The following KLC3 variants were observed in gnomAD, a reference collection of about 807,000 sequenced individuals.
KLC3 encodes kinesin light chain 2.
A neutral mutation model predicts 62.9 loss-of-function variants in KLC3; 72 were observed. The observed-to-expected ratio is 1.15, with a 90% CI of 0.95 to 1.39. KLC3 has a LOEUF of 1.39. Among genes scored for constraint, KLC3 ranks in the 40% most tolerant of loss-of-function variants. The pLI is 0.00. For synonymous variants in KLC3, 377 were observed against 300.5 expected, an observed-to-expected ratio of 1.25 and a Z score of -2.63; for missense variants, 848 against 691.6, an observed-to-expected ratio of 1.23 and a Z score of -2.54.
intron 1 of KLC3, among the ~76,000 whole-genome samples, chr19:45,344,154 AGTGTGTGTGTGT>A (rs34947979): frequency 7.0e-6 from 1 of 142,028 alleles, no homozygotes; most frequent in Non-Finnish European, 1.5e-5. Flanking sequence ...CTAATGAGGG[AGTGTGTGTGTGT>A]GTGTGTGTGT....
At chr19:45,347,839 G>A (rs1971540932) in intron 4 of KLC3, 102 bp from the exon 5 acceptor site, 1 of 965,488 alleles carries the variant, frequency 1.0e-6, no homozygotes, top group Non-Finnish European at 1.6e-6. Context: ...AGTCCCAGGG[G>A]CCAGTTAGGC....
chr19:45,347,040 C>T, intron 3 of KLC3: 1 of 484,994 alleles, frequency 2.1e-6, no homozygotes, highest in South Asian at 3.0e-5. Context: ...GTGACCACCA[C>T]CTCCCTCAAA....
chr19:45,341,576 TGTGCGC>T (rs1274410017), intron 1 of KLC3, among the ~76,000 whole-genome samples: 3 of 129,912 alleles, frequency 2.3e-5, no homozygotes, highest in African/African-American at 7.8e-5. Flanking sequence ...TGTGTGTGTG[TGTGCGC>T]GCGCGCGTGT....
chr19:45,344,418 C>T (rs1971449044), intron 1 of KLC3, among the ~76,000 whole-genome samples: 1 of 147,994 alleles, frequency 6.8e-6, no homozygotes, highest in African/African-American at 2.5e-5. Flanking sequence ...AGGGTTTCAC[C>T]CTGTTGGCCA....
rs373353596 is a variant in KLC3 at position 45,350,650 on chromosome 19, C to T, written c.1282C>T (p.Arg428Cys). 25 of 1,613,282 alleles carry T rather than the reference C, an allele frequency of 1.5e-5. No individual in the cohort carries two copies. The highest frequency in any genetic ancestry group is 1.6e-4 in the Middle Eastern group (1 of 6,068). Reference sequence around the variant, plus strand: ...CCCGGCCCCTCCCCAGGCCCTTCGCCGCAGCAGCTCACTCTCCAAGATCCG... The same window carrying T: ...CCCGGCCCCTCCCCAGGCCCTTCGCTGCAGCAGCTCACTCTCCAAGATCCG... ...TAGDAEQALRRSSSLSKIRES... is the reference protein window; with the variant it reads ...TAGDAEQALRCSSSLSKIRES... Residue 428 changes from arginine (R) to cysteine (C), a missense_variant, in exon 11 of 13, where the codon CGC becomes TGC. Arg to Cys is a radical substitution (Grantham distance 180, BLOSUM62 -3). Transcript: ENST00000391946.
chr19:45,346,296 CAG>C (rs1971488980), intron 2 of KLC3, among the ~76,000 whole-genome samples: 1 of 152,108 alleles, frequency 6.6e-6, no homozygotes. Flanking sequence ...TTGTGTGTGA[CAG>C]GGACCCCTGA....
At position 45,350,976 on chromosome 19, in the gene KLC3, A is replaced by G. The variant is rs1356642677; in HGVS notation, c.1402A>G (p.Asn468Asp). 6.2e-7 allele frequency: 1 copy of G among 1,614,094 alleles called. No homozygotes were observed. The highest frequency in any genetic ancestry group is 8.5e-7 in the Non-Finnish European group (1 of 1,180,018). The change falls in exon 12 of 13, where the codon AAC becomes GAC. Residue 468 changes from asparagine (N) to aspartate (D), a missense_variant. Asn to Asp is a conservative substitution (Grantham distance 23). Transcript: ENST00000391946. The part of the protein sequence containing the change: ...AAGMKRAMSL[N>D]TLNVDAPRAP... ...CAGAATGAAGAGAGCCATGTCACTC[A>G]ACACACTGAACGTGGATGCTCCAAG... is the stretch of plus-strand genomic sequence containing the variant.
At chr19:45,350,463 C>G (rs180919816) in intron 9 of KLC3, 32 bp downstream of exon 9, 5 of 1,613,320 alleles carry the variant, frequency 3.1e-6, no homozygotes, top group African/African-American at 1.3e-5. Flanking sequence ...GTCTTCCCTC[C>G]TGGTGGCTTC....
chr19:45,348,839 A>C lies in KLC3; in HGVS notation c.887A>C (p.Asn296Thr). The change falls in exon 7 of 13, where the codon AAC becomes ACC. Residue 296 changes from asparagine (N) to threonine (T), a missense_variant. By Grantham distance (65) the Asn-to-Thr change is moderately conservative. Transcript: ENST00000391946. ...CCGCAGGTGGCCGCCACGCTCAACA[A>C]CTTGGCTGTCCTCTATGGGAAGCGT... ...EHPAVAATLNNLAVLYGKRGR... is the reference protein window; with the variant it reads ...EHPAVAATLNTLAVLYGKRGR... 1 of 1,573,972 alleles carries C rather than the reference A, an allele frequency of 6.4e-7. No homozygotes were observed. The highest frequency in any genetic ancestry group is 8.6e-7 in the Non-Finnish European group (1 of 1,159,708).
At position 45,346,718 on chromosome 19, in the gene KLC3, C is replaced by CG. The variant is rs1316009257; in HGVS notation, c.434dup (p.His146ProfsTer21). ...CGTGGCCCAGCTGGAGGAGGAGAAG[C>CG]GCCACCTGGAGTTCCTGGGGCAGCT... On this transcript the variant is annotated frameshift_variant, in exon 3 of 13. Transcript: ENST00000391946. LOFTEE classifies it high-confidence loss of function. 84 of 1,583,866 alleles carry CG rather than the reference C, an allele frequency of 5.3e-5. No homozygotes were observed. Among genetic ancestry groups the CG allele is most frequent in the Admixed American group, 7.2e-5 (4 of 55,378 alleles).
intron 7 of KLC3, 63 bp downstream of exon 7, chr19:45,348,984 C>G: frequency 7.1e-7 from 1 of 1,399,786 alleles, no homozygotes; most frequent in Non-Finnish European, 9.9e-7. Context: ...CCCAGGGATG[C>G]TGAGCACGTA....
Position 45,349,485 on chromosome 19 carries a change from G to C in KLC3, c.1026G>C (p.Leu342=). 6.2e-6 allele frequency: 10 copies of C among 1,613,950 alleles called. No homozygotes were observed. The highest frequency in any genetic ancestry group is 8.5e-6 in the Non-Finnish European group (10 of 1,179,914). Residue 342 remains leucine, a synonymous_variant, in exon 8 of 13, where the codon CTG becomes CTC. Coordinates refer to ENST00000391946, the MANE Select transcript of KLC3 (RefSeq NM_177417.3). ...AGCAGCTCAACAACCTGGCCCTGCT[G>C]TGCCAGAACCAGGGCAAGTTTGAGG... ...VAKQLNNLAL[L]CQNQGKFEDV...
chr19:45,341,554 GGTGTGTGTGTGTGT>G (rs773352088), intron 1 of KLC3, among the ~76,000 whole-genome samples: 1 of 144,016 alleles, frequency 6.9e-6, no homozygotes, highest in South Asian at 2.3e-4. Flanking sequence ...TCTGCCTGTT[GGTGTGTGTGTGTGT>G]GTGTGTGTGT....
At chr19:45,350,792 T>G (rs775015605) in intron 11 of KLC3, 45 bp downstream of exon 11, 26 of 1,532,652 alleles carry the variant, frequency 1.7e-5, no homozygotes, top group African/African-American at 2.7e-5. Context: ...ATCAGCAGAA[T>G]CCACAGCCCA....
chr19:45,349,843 C>T, intron 8 of KLC3: 1 of 528,392 alleles, frequency 1.9e-6, no homozygotes, highest in Non-Finnish European at 3.3e-6. Context: ...CAGGTGGCAG[C>T]AGCAGACATT....
intron 1 of KLC3, among the ~76,000 whole-genome samples, chr19:45,341,576 T>TGTGTGTGTGCGCGCGCGC (rs1971395810): frequency 1.5e-5 from 2 of 129,912 alleles, no homozygotes; most frequent in Admixed American, 1.5e-4. Flanking sequence ...TGTGTGTGTG[T>TGTGTGTGTGCGCGCGCGC]GTGCGCGCGC....
At chr19:45,349,891 G>C (rs1384793477) in intron 8 of KLC3, 1 of 469,442 alleles carries the variant, frequency 2.1e-6, no homozygotes, top group Non-Finnish European at 3.8e-6. Flanking sequence ...TCTTAGCCCG[G>C]TCCCCACATC....
chr19:45,341,595 T>G (rs1424768039), intron 1 of KLC3, among the ~76,000 whole-genome samples: 3 of 100,552 alleles, frequency 3.0e-5, no homozygotes, highest in African/African-American at 6.8e-5. Context: ...GCGCGTGTGG[T>G]GGACAGTGTG....
intron 1 of KLC3, among the ~76,000 whole-genome samples, chr19:45,341,775 G>GAAGC (rs1816668507): frequency 1.7e-5 from 1 of 59,440 alleles, no homozygotes; most frequent in South Asian, 7.8e-4. Flanking sequence ...AGCCGTGTGT[G>GAAGC]CGTGTGTGTG....
Sources: allele counts gnomAD v4.1 joint callset (sites outside exome capture counted in the v4.1 genomes callset), GRCh38; gene constraint gnomAD v4.1.1; transcripts MANE v1.5; gene names NCBI Gene and HGNC (gene_info 2026-07-23, HGNC 2026-07-21).